Variants in NFAM1 observed in about 807,000 individuals in gnomAD.
The protein encoded by NFAM1 is NFAT activating protein with ITAM motif 1, also known as NFAT activation molecule 1.
Under a neutral mutation model 29.0 loss-of-function variants are expected in NFAM1, and 17 were observed. That is an observed-to-expected ratio of 0.59 (90% CI 0.40 to 0.88). NFAM1 has a LOEUF of 0.88. Among genes scored for constraint, NFAM1 ranks in the 40% least tolerant of loss-of-function variants. The probability of loss-of-function intolerance (pLI) is 0.00; values close to 1 mark genes in which losing one functional copy is unlikely to be tolerated. For synonymous variants in NFAM1, 175 were observed against 147.2 expected, an observed-to-expected ratio of 1.19 and a Z score of -1.36; for missense variants, 324 against 344.6, an observed-to-expected ratio of 0.94 and a Z score of 0.47.
intron 3 of NFAM1, among the ~76,000 whole-genome samples, chr22:42,403,747 C>T (rs765569582): frequency 1.8e-4 from 28 of 152,170 alleles, no homozygotes; most frequent in Non-Finnish European, 3.1e-4. Flanking sequence ...GGGAACAGGC[C>T]GAGAGGCACC....
intron 1 of NFAM1, among the ~76,000 whole-genome samples, chr22:42,414,112 A>G (rs1184990557): frequency 6.6e-6 from 1 of 152,134 alleles, no homozygotes; most frequent in East Asian, 1.9e-4. Context: ...TCAAAGAACT[A>G]AAGGCACTCA....
chr22:42,394,329 C>T (rs1007529207), intron 4 of NFAM1, among the ~76,000 whole-genome samples: 9 of 152,124 alleles, frequency 5.9e-5, no homozygotes, highest in Non-Finnish European at 8.8e-5. Context: ...TAAGCCACTG[C>T]GCTCAGCCCT....
upstream of NFAM1, among the ~76,000 whole-genome samples, chr22:42,434,303 A>G (rs368157638): frequency 4.6e-5 from 7 of 152,124 alleles, no homozygotes; most frequent in East Asian, 9.6e-4. Context: ...CAGGCTTGAT[A>G]TGAAGGCAGG....
At chr22:42,394,296 C>T (rs547136423) in intron 4 of NFAM1, among the ~76,000 whole-genome samples, 3 of 152,122 alleles carry the variant, frequency 2.0e-5, no homozygotes, top group Non-Finnish European at 4.4e-5. Flanking sequence ...CCTCTGCCTC[C>T]CAAAGTGCTG....
intron 1 of NFAM1, among the ~76,000 whole-genome samples, chr22:42,417,756 G>A (rs115035532): frequency 0.011 from 1,671 of 152,234 alleles, 30 homozygotes; most frequent in African/African-American, 0.038. Flanking sequence ...ATAGGATGGT[G>A]CAGGGAGAGG....
At position 42,411,546 on chromosome 22, in the gene NFAM1, GC is replaced by G. The variant is rs1334599765; in HGVS notation, c.311del (p.Gly104AlafsTer37). The G allele has an allele frequency of 6.2e-7, 1 of 1,614,202 alleles. No homozygotes were observed. The highest frequency in any genetic ancestry group is 1.7e-5 in the Admixed American group (1 of 60,020). ...KKPTNCHPGL[G>X]TENQSHTLDC... is the part of the protein sequence containing the mutation. ...CCAGGGTGTGGCTCTGGTTCTCTGTGCCCAGTCCAGGGTGGCAGTTTGTTGG... is the reference window on the plus strand; with the variant it reads ...CCAGGGTGTGGCTCTGGTTCTCTGTGCCAGTCCAGGGTGGCAGTTTGTTGG... On this transcript the variant is annotated frameshift_variant, in exon 2 of 6. Transcript: ENST00000329021. LOFTEE classifies it high-confidence loss of function.
chr22:42,395,894 AAAAG>A (rs909716193), intron 4 of NFAM1, among the ~76,000 whole-genome samples: 1 of 149,228 alleles, frequency 6.7e-6, no homozygotes, highest in Non-Finnish European at 1.5e-5. Context: ...AAAAAAAAAA[AAAAG>A]AAAGAAAAGA....
chr22:42,387,340 G>T (rs1929185120), intron 4 of NFAM1, among the ~76,000 whole-genome samples: 1 of 152,130 alleles, frequency 6.6e-6, no homozygotes, highest in Non-Finnish European at 1.5e-5. Context: ...TATTCCACCT[G>T]GAGGGTTCTA....
chr22:42,407,792 C>A (rs1465935308), intron 3 of NFAM1, among the ~76,000 whole-genome samples: 1 of 151,904 alleles, frequency 6.6e-6, no homozygotes, highest in Non-Finnish European at 1.5e-5. Flanking sequence ...GGGTCTCTCT[C>A]TGTTACCCAC....
At chr22:42,437,257 C>T (rs1238406934), upstream of NFAM1, among the ~76,000 whole-genome samples, 2 of 150,992 alleles carry the variant, frequency 1.3e-5, no homozygotes, top group East Asian at 1.9e-4. Flanking sequence ...ATTCTCCTGT[C>T]TCAGCCTCCC....
At chr22:42,412,766 G>A (rs927626361) in intron 1 of NFAM1, among the ~76,000 whole-genome samples, 3 of 152,268 alleles carry the variant, frequency 2.0e-5, no homozygotes, top group Admixed American at 2.0e-4. Flanking sequence ...GCTCGGAGAG[G>A]ATTTGTCAGG....
chr22:42,418,901 G>A (rs1930345214), intron 1 of NFAM1, among the ~76,000 whole-genome samples: 1 of 152,162 alleles, frequency 6.6e-6, no homozygotes, highest in African/African-American at 2.4e-5. Flanking sequence ...GTGCAGGGCT[G>A]GGGGCATGAA....
At chr22:42,385,665 C>T (rs1929113439) in intron 5 of NFAM1, among the ~76,000 whole-genome samples, 2 of 144,668 alleles carry the variant, frequency 1.4e-5, no homozygotes, top group South Asian at 4.9e-4. Context: ...CTCTGTGTGT[C>T]CATGGGGTCA....
chr22:42,434,713 A>G (rs747533954), upstream of NFAM1, among the ~76,000 whole-genome samples: 6 of 152,242 alleles, frequency 3.9e-5, no homozygotes, highest in Non-Finnish European at 5.9e-5. Context: ...GTGAATAAAC[A>G]GTAAAGGCCC....
intron 4 of NFAM1, among the ~76,000 whole-genome samples, chr22:42,396,501 A>C (rs1315244434): frequency 5.1e-5 from 7 of 138,352 alleles, no homozygotes; most frequent in Admixed American, 3.0e-4. Context: ...ATATATATAT[A>C]TCTCACATAT....
chr22:42,419,995 T>TTTTTTTTTTG lies in NFAM1; in HGVS notation c.122-8260_122-8259insCAAAAAAAAA, dbSNP rs1930386834. Among the ~76,000 whole-genome samples, 1 of 16,416 alleles carries TTTTTTTTTTG rather than the reference T, an allele frequency of 6.1e-5. No homozygotes were observed. Among genetic ancestry groups the TTTTTTTTTTG allele is most frequent in the African/African-American group, 6.9e-4 (1 of 1,444 alleles). 10.8% of individuals were successfully genotyped at this position (16,416 alleles called of 152,430 possible). On this transcript the variant is annotated intron_variant, in intron 1 of 5. Coordinates refer to ENST00000329021, the MANE Select transcript of NFAM1 (RefSeq NM_145912.8). This position sits in a 1 kb window ranked among gnomAD's most constrained non-coding sequence, Gnocchi z 4.5. Reference sequence around the variant, plus strand: ...AGTCTGTAATCCCACTCTTGGTTTTTTTTTTTTTTTTTTTTTTTTTTTTTT... The same window carrying TTTTTTTTTTG: ...AGTCTGTAATCCCACTCTTGGTTTTTTTTTTTTTTGTTTTTTTTTTTTTTTTTTTTTTTTT...
At chr22:42,416,552 C>T (rs1470722942) in intron 1 of NFAM1, among the ~76,000 whole-genome samples, 1 of 152,140 alleles carries the variant, frequency 6.6e-6, no homozygotes, top group African/African-American at 2.4e-5. Flanking sequence ...CACCAGATGG[C>T]CAACAAGTGG....
intron 1 of NFAM1, among the ~76,000 whole-genome samples, chr22:42,421,104 G>A (rs1012101446): frequency 2.0e-5 from 3 of 152,266 alleles, no homozygotes; most frequent in East Asian, 3.9e-4. Flanking sequence ...CAGCAGGGGC[G>A]GACATTTTGG....
chr22:42,417,680 A>C (rs1208272746), intron 1 of NFAM1, among the ~76,000 whole-genome samples: 1 of 152,136 alleles, frequency 6.6e-6, no homozygotes, highest in African/African-American at 2.4e-5. Context: ...GCCCTGCTGC[A>C]GGGGCAGGGA....
Sources: gnomAD v4.1 joint callset for allele counts (sites outside exome capture counted in the v4.1 genomes callset) on GRCh38, gnomAD v4.1.1 for gene constraint, Gnocchi (gnomAD v3.1) non-coding constraint, MANE v1.5 for transcripts, NCBI Gene and HGNC (gene_info 2026-07-23, HGNC 2026-07-21) for gene names.